The following COX11 variants were observed in gnomAD, a reference collection of about 807,000 sequenced individuals.
The protein encoded by COX11 is cytochrome c oxidase copper chaperone COX11.
COX11 carries 18 observed loss-of-function variants against 29.4 expected under a neutral mutation model. The observed-to-expected ratio is 0.61, with a 90% CI of 0.42 to 0.91. The LOEUF (loss-of-function observed/expected upper bound fraction) is 0.91. Among genes scored for constraint, COX11 ranks in the 40% least tolerant of loss-of-function variants. The probability of loss-of-function intolerance (pLI) is 0.00; values close to 1 mark genes in which losing one functional copy is unlikely to be tolerated. For missense variants in COX11, 312 were observed against 346.0 expected, an observed-to-expected ratio of 0.90 and a Z score of 0.78; for synonymous variants, 131 against 124.0, an observed-to-expected ratio of 1.06 and a Z score of -0.38.
intron 1 of COX11, among the ~76,000 whole-genome samples, chr17:54,966,329 C>T (rs536681636): frequency 1.3e-5 from 2 of 152,298 alleles, no homozygotes; most frequent in South Asian, 4.1e-4. Flanking sequence ...TCTAGTTGTG[C>T]TACTAGCTCT....
chr17:54,956,027 A>AT (rs1422215924), downstream of COX11, among the ~76,000 whole-genome samples: 1 of 152,198 alleles, frequency 6.6e-6, no homozygotes, highest in Non-Finnish European at 1.5e-5. Flanking sequence ...CCAGGAGCCT[A>AT]TAAGGGAGGT....
At position 54,968,457 on chromosome 17, in the gene COX11, G is replaced by A. The variant is rs770411946; in HGVS notation, c.190C>T (p.Arg64Trp). The A allele has an allele frequency of 7.4e-6, 12 of 1,613,422 alleles. No individual in the cohort carries two copies. The Admixed American group carries it at 1.3e-4, about 18-fold the overall frequency. The change falls in exon 1 of 4, where the codon CGG becomes TGG. Residue 64 changes from arginine to tryptophan, a missense_variant. Arg to Trp is a moderately radical substitution (Grantham distance 101). This residue lies in a region of COX11 where 130 missense variants were observed against 106.0 expected (regional missense o/e 1.23). Transcript: ENST00000299335. ...CGCGGCGGCTGCAATGCTGGATGCC[G>A]GGCTCGAAGGCTGCAGCGCTTCCAT... ...GTWKRCSLRA[R>W]HPALQPPRRP...
chr17:54,967,038 GCGCGCA>G (rs765584210), intron 1 of COX11, among the ~76,000 whole-genome samples: 53 of 100,208 alleles, frequency 5.3e-4, no homozygotes, highest in Middle Eastern at 6.1e-3. Flanking sequence ...ACGTGCGCGC[GCGCGCA>G]CACACACACA....
At chr17:54,964,467 A>T (rs926607154) in intron 2 of COX11, 1 of 478,326 alleles carries the variant, frequency 2.1e-6, no homozygotes, top group African/African-American at 2.0e-5. Context: ...CATTACTATA[A>T]ATTTTTTTAT....
In COX11 at chr17:54,964,776, C is replaced by T. The variant is rs1483730750; in HGVS notation, c.443G>A (p.Arg148Gln). 2.5e-6 allele frequency: 4 copies of T among 1,613,862 alleles called. No homozygotes were observed. Among genetic ancestry groups the T allele is most frequent in the African/African-American group, 1.3e-5 (1 of 75,028 alleles). ...TGCATTAAAGCTAATTTTAATGATT[C>T]GATCTTTAACAGGCACCATGTTTTC... ...KIENMVPVKD[R>Q]IIKISFNADV... Residue 148 changes from arginine to glutamine, a missense_variant, in exon 2 of 4, where the codon CGA becomes CAA. By Grantham distance (43) the Arg-to-Gln change is conservative (BLOSUM62 1). Coordinates refer to ENST00000299335, the MANE Select transcript of COX11 (RefSeq NM_004375.5).
downstream of COX11, among the ~76,000 whole-genome samples, chr17:54,956,155 A>T (rs533847093): frequency 6.6e-6 from 1 of 152,136 alleles, no homozygotes; most frequent in South Asian, 2.1e-4. Flanking sequence ...GGTTATTATT[A>T]TTTTTTCTTG....
Position 54,962,717 on chromosome 17 carries a change from G to T in COX11, c.*16C>A. The T allele has an allele frequency of 6.2e-7, 1 of 1,604,180 alleles. No individual in the cohort carries two copies. Among genetic ancestry groups the T allele is most frequent in the South Asian group, 1.1e-5 (1 of 88,358 alleles). On this transcript the variant is annotated 3_prime_UTR_variant, in exon 4 of 4. Coordinates refer to ENST00000299335, the MANE Select transcript of COX11 (RefSeq NM_004375.5). ...CCCAAAAATCACAACTTTGAAGGAAGACTTAGTTGCTGACTTCAATTATAT... is the reference window on the plus strand; with the variant it reads ...CCCAAAAATCACAACTTTGAAGGAATACTTAGTTGCTGACTTCAATTATAT...
chr17:54,968,151 C>T, intron 1 of COX11, 130 bp downstream of exon 1: 1 of 1,415,526 alleles, frequency 7.1e-7, no homozygotes, highest in Non-Finnish European at 9.4e-7. Flanking sequence ...TTGAACCTCT[C>T]TCCTCTTAGG....
At chr17:54,956,294 G>T (rs1004334885), downstream of COX11, among the ~76,000 whole-genome samples, 11 of 151,924 alleles carry the variant, frequency 7.2e-5, no homozygotes, top group African/African-American at 2.2e-4. Context: ...ATTGGGGTGT[G>T]CTACCATGCC....
exon 1 of COX11, chr17:54,952,369 A>G (rs2049275670): frequency 6.6e-6 from 1 of 152,008 alleles, no homozygotes; most frequent in Admixed American, 6.6e-5. Flanking sequence ...CAACATGGTG[A>G]AACCCCGTCT....
Position 54,962,275 on chromosome 17 carries a change from T to G in COX11, c.*458A>C. On this transcript the variant is annotated 3_prime_UTR_variant, in exon 4 of 4. Transcript: ENST00000299335. The stretch of plus-strand genomic sequence containing the variant: ...GAGCTTTTAAAATACTGACTATTCA[T>G]AATGAAGGAAAATAGCAACCAACTC... 1.0e-6 allele frequency: 1 copy of G among 985,688 alleles called. No individual in the cohort carries two copies. Among genetic ancestry groups the G allele is most frequent in the Non-Finnish European group, 1.2e-6 (1 of 830,116 alleles). The allele number at this position is 985,688 out of a possible 1,614,324, so 61.1% of individuals were successfully genotyped here.
chr17:54,968,426 G>GGCC lies in COX11; in HGVS notation c.218_220dup (p.Arg73dup), dbSNP rs1567861434. On this transcript the variant is annotated inframe_insertion, in exon 1 of 4. Transcript: ENST00000299335. ...GCGTGTGAAAGGGTTCGAGCTCTTA[G>GGCC]GCCGCCGCGGCGGCTGCAATGCTGG... The GGCC allele has an allele frequency of 2.5e-6, 4 of 1,613,442 alleles. No homozygotes were observed. The highest frequency in any genetic ancestry group is 2.5e-6 in the Non-Finnish European group (3 of 1,180,000).
At chr17:54,967,042 G>GCGCGCACACACACA (rs1310473186) in intron 1 of COX11, among the ~76,000 whole-genome samples, 73 of 96,116 alleles carry the variant, frequency 7.6e-4, no homozygotes, top group Middle Eastern at 9.4e-3. Flanking sequence ...GCGCGCGCGC[G>GCGCGCACACACACA]CACACACACA....
Position 54,968,649 on chromosome 17 carries a change from C to CTTTTAGAACTAACA in COX11, c.-4_-3insTGTTAGTTCTAAAA. On this transcript the variant is annotated 5_prime_UTR_variant, in exon 1 of 4. Coordinates refer to ENST00000299335, the MANE Select transcript of COX11 (RefSeq NM_004375.5). ...CCAGGACGCCAGAGCCCTCCCATAA[C>CTTTTAGAACTAACA]CCTCTGAACTAACACCCACCCGCCT... 1 of 1,608,886 alleles carries CTTTTAGAACTAACA rather than the reference C, an allele frequency of 6.2e-7. No homozygotes were observed.
exon 1 of COX11, chr17:54,954,457 G>A (rs2049390549): frequency 2.0e-5 from 3 of 152,278 alleles, no homozygotes; most frequent in Non-Finnish European, 1.5e-5. Context: ...GGTGCTCCCT[G>A]GCAAAGAAGA....
chr17:54,964,866 C>A lies in COX11; in HGVS notation c.367-14G>T, dbSNP rs73990233. Reference sequence around the variant, plus strand: ...AAGTCCAGTAGTCTAGAAAAAGATACCAAATATGTTAAACAATACTTTTAG... The same window carrying A: ...AAGTCCAGTAGTCTAGAAAAAGATAACAAATATGTTAAACAATACTTTTAG... On this transcript the variant is annotated splice_polypyrimidine_tract_variant and intron_variant, in intron 1 of 3. Transcript: ENST00000299335. The A allele has an allele frequency of 2.3e-3, 3,670 of 1,609,264 alleles. 63 individuals carry two copies. In the African/African-American group the frequency reaches 0.04, roughly 18 times the overall value.
intron 3 of COX11, 117 bp downstream of exon 3, chr17:54,963,189 T>G: frequency 8.6e-7 from 1 of 1,166,328 alleles, no homozygotes; most frequent in Non-Finnish European, 1.2e-6. Context: ...AAAAATAGCT[T>G]GATGTTTAGA....
At chr17:54,964,651 ATT>A in intron 2 of COX11, 44 bp downstream of exon 2, 1 of 1,545,638 alleles carries the variant, frequency 6.5e-7, no homozygotes, top group South Asian at 1.1e-5. Context: ...AAAGAAAGGA[ATT>A]TACATTAATA....
At chr17:54,962,967 CAG>C (rs759476892) in intron 3 of COX11, 52 bp from the exon 4 acceptor site, 10 of 1,470,666 alleles carry the variant, frequency 6.8e-6, no homozygotes, top group African/African-American at 4.2e-5. Flanking sequence ...TATTACATAA[CAG>C]AAACTATACA....
Sources: gnomAD v4.1 joint callset for allele counts (sites outside exome capture counted in the v4.1 genomes callset) on GRCh38, gnomAD v4.1.1 for gene constraint, gnomAD v4.1.1 regional missense constraint, MANE v1.5 for transcripts, NCBI Gene and HGNC (gene_info 2026-07-23, HGNC 2026-07-21) for gene names.